Variants in GMFB observed in about 807,000 individuals in gnomAD.
The protein encoded by GMFB is GMF-beta.
Under a neutral mutation model 25.6 loss-of-function variants are expected in GMFB, and 13 were observed. That is an observed-to-expected ratio of 0.51 (90% CI 0.33 to 0.81). The LOEUF is 0.81. Ranked by LOEUF, GMFB falls within the 30% of genes least tolerant of loss-of-function variation. GMFB has a pLI of 0.02. For synonymous variants in GMFB, 57 were observed against 56.9 expected (o/e 1.00, Z 0.00); for missense variants, 146 against 175.4 (o/e 0.83, Z 0.95).
Position 54,483,702 on chromosome 14 carries a change from A to G in GMFB, c.69T>C (p.Phe23=). The G allele has an allele frequency of 6.2e-7, 1 of 1,606,820 alleles. No individual in the cohort carries two copies. Among genetic ancestry groups the G allele is most frequent in the Non-Finnish European group, 8.5e-7 (1 of 1,173,452 alleles). ...TAGCAGCGTTGTTCGTTTCTTTGCG[A>G]AAACGAAACTTTCTCAGCTTTTCCA... ...DLVEKLRKFR[F]RKETNNAAII... is the part of the protein sequence containing the mutation. The change falls in exon 2 of 7, where the codon TTT becomes TTC. Residue 23 remains phenylalanine, a synonymous_variant. Transcript: ENST00000358056.
At chr14:54,484,587 T>C (rs759708759) in intron 1 of GMFB, among the ~76,000 whole-genome samples, 12 of 152,126 alleles carry the variant, frequency 7.9e-5, no homozygotes, top group Non-Finnish European at 1.3e-4. Flanking sequence ...ATCTGAGGGC[T>C]TCACTGCTGA....
chr14:54,478,118 C>T lies in GMFB; in HGVS notation c.399G>A (p.Trp133Ter). 1 of 1,462,266 alleles carries T rather than the reference C, an allele frequency of 6.8e-7. No individual in the cohort carries two copies. Among genetic ancestry groups the T allele is most frequent in the Non-Finnish European group, 9.2e-7 (1 of 1,081,670 alleles). The allele number at this position is 1,462,266 out of a possible 1,614,324, so 90.6% of individuals were successfully genotyped here. The change falls in exon 7 of 7, where the codon TGG (tryptophan) becomes TGA (stop). Residue 133 changes from tryptophan (W) to a stop codon, truncating the protein, a stop_gained. Coordinates refer to ENST00000358056, the MANE Select transcript of GMFB (RefSeq NM_004124.3). LOFTEE classifies it high-confidence loss of function. ...IRNTEDLTEE[W>*]LREKLGFFH ...GAAAAAATCCAAGTTTCTCACGTAA[C>T]CATTCTTCAGTTAGGTCTTCGGTAT...
intron 1 of GMFB, among the ~76,000 whole-genome samples, chr14:54,485,508 G>T (rs962090838): frequency 6.6e-6 from 1 of 152,044 alleles, no homozygotes; most frequent in Non-Finnish European, 1.5e-5. Context: ...ACAGATGAAA[G>T]AAATTGAAGA....
At position 54,483,733 on chromosome 14, in the gene GMFB, T is replaced by A. The variant is rs759845887; in HGVS notation, c.38A>T (p.Asp13Val). 8.7e-6 allele frequency: 14 copies of A among 1,610,362 alleles called. No individual in the cohort carries two copies. Among genetic ancestry groups the A allele is most frequent in the Non-Finnish European group, 1.1e-5 (13 of 1,176,914 alleles). ...ESLVVCDVAE[D>V]LVEKLRKFRF... ...AAACTTTCTCAGCTTTTCCACTAAATCTTCGGCAACATCACAAACAACCAA... is the reference window on the plus strand; with the variant it reads ...AAACTTTCTCAGCTTTTCCACTAAAACTTCGGCAACATCACAAACAACCAA... Residue 13 changes from aspartate to valine, a missense_variant, in exon 2 of 7, where the codon GAT becomes GTT. Transcript: ENST00000358056.
intron 1 of GMFB, among the ~76,000 whole-genome samples, chr14:54,484,302 A>G (rs1394009826): frequency 3.3e-5 from 5 of 152,048 alleles, no homozygotes; most frequent in African/African-American, 1.2e-4. Context: ...TTAAATGATT[A>G]TAGAGATATA....
chr14:54,479,801 T>C lies in GMFB; in HGVS notation c.342A>G (p.Thr114=), dbSNP rs938351758. 2.5e-6 allele frequency: 4 copies of C among 1,595,382 alleles called. No individual in the cohort carries two copies. In the South Asian group the frequency reaches 4.4e-5, roughly 18 times the overall value. Reference sequence around the variant, plus strand: ...TAAATACCACCTTGGTTAGTTCAGCTGTCTGGACTAGCTTATTCTTACTTC... The same window carrying C: ...TAAATACCACCTTGGTTAGTTCAGCCGTCTGGACTAGCTTATTCTTACTTC... ...YAGSKNKLVQ[T]AELTKVFEIR... The change falls in exon 6 of 7, where the codon ACA becomes ACG. Residue 114 remains threonine (T), a synonymous_variant. Transcript: ENST00000358056.
chr14:54,488,957 C>T lies in GMFB; in HGVS notation c.-30G>A, dbSNP rs777397253. The T allele has an allele frequency of 1.3e-6, 2 of 1,558,394 alleles. No homozygotes were observed. Among genetic ancestry groups the T allele is most frequent in the South Asian group, 1.2e-5 (1 of 85,170 alleles). ...CTTCCGGCCGTCAGCGGCCTGTCGC[C>T]TACACTCGGGCGCCTTTAAGAATGG... is the stretch of plus-strand genomic sequence containing the variant. On this transcript the variant is annotated 5_prime_UTR_variant, in exon 1 of 7. Coordinates refer to ENST00000358056, the MANE Select transcript of GMFB (RefSeq NM_004124.3).
intron 2 of GMFB, chr14:54,483,468 T>C (rs1334295760): frequency 1.8e-6 from 1 of 546,272 alleles, no homozygotes; most frequent in African/African-American, 1.9e-5. Flanking sequence ...AAAAGGACTA[T>C]GGGGGAGGTG....
intron 1 of GMFB, among the ~76,000 whole-genome samples, chr14:54,487,534 A>G (rs1378615417): frequency 1.3e-5 from 2 of 151,154 alleles, no homozygotes; most frequent in Non-Finnish European, 2.9e-5. Context: ...GCGAGACTCC[A>G]TCTCAAAACA....
chr14:54,488,432 G>C (rs1367393213), intron 1 of GMFB, among the ~76,000 whole-genome samples: 2 of 152,254 alleles, frequency 1.3e-5, no homozygotes, highest in Non-Finnish European at 2.9e-5. Context: ...CAGAGAGAAA[G>C]AAGCTAAGGT....
chr14:54,477,914 T>C lies in GMFB; in HGVS notation c.*174A>G. Reference sequence around the variant, plus strand: ...AAGGAAACACTTTACAAAGTTTCATTACTATGAAGATGATTTCCTCTTTGT... The same window carrying C: ...AAGGAAACACTTTACAAAGTTTCATCACTATGAAGATGATTTCCTCTTTGT... On this transcript the variant is annotated 3_prime_UTR_variant, in exon 7 of 7. Transcript: ENST00000358056. The C allele has an allele frequency of 2.2e-6, 1 of 457,452 alleles. No homozygotes were observed. The highest frequency in any genetic ancestry group is 3.6e-5 in the East Asian group (1 of 27,736). The allele number at this position is 457,452 out of a possible 1,614,324, so 28.3% of individuals were successfully genotyped here.
chr14:54,485,274 G>A (rs2031766482), intron 1 of GMFB, among the ~76,000 whole-genome samples: 1 of 151,238 alleles, frequency 6.6e-6, no homozygotes, highest in East Asian at 1.9e-4. Context: ...TTTAGAAAAA[G>A]CTAAAGACTC....
chr14:54,488,140 G>C (rs1429653900), intron 1 of GMFB, among the ~76,000 whole-genome samples: 3 of 152,222 alleles, frequency 2.0e-5, no homozygotes, highest in African/African-American at 4.8e-5. Context: ...GTCACAGAGA[G>C]CAGTGTTTTG....
intron 3 of GMFB, among the ~76,000 whole-genome samples, chr14:54,481,780 T>A (rs1184962964): frequency 6.6e-6 from 1 of 152,084 alleles, no homozygotes; most frequent in African/African-American, 2.4e-5. Flanking sequence ...ATGTCTGATT[T>A]CAGAAAAAAG....
At chr14:54,486,590 G>A (rs1326658023) in intron 1 of GMFB, among the ~76,000 whole-genome samples, 1 of 152,036 alleles carries the variant, frequency 6.6e-6, no homozygotes, top group African/African-American at 2.4e-5. Flanking sequence ...GAATATACAA[G>A]GATCTCAAAC....
In GMFB at chr14:54,475,539, T is replaced by A. The variant is rs1489346094; in HGVS notation, c.*2549A>T. 6.6e-6 allele frequency: 1 copy of A among 152,548 alleles called. No homozygotes were observed. The highest frequency in any genetic ancestry group is 1.5e-5 in the Non-Finnish European group (1 of 67,970). The allele number at this position is 152,548 out of a possible 1,614,324, so 9.4% of individuals were successfully genotyped here. ...AATTAAACAAAAACAGTCAACCAAC[T>A]TTTTTCCTAATATAATTGCGTCAAT... On this transcript the variant is annotated 3_prime_UTR_variant, in exon 7 of 7. Coordinates refer to ENST00000358056, the MANE Select transcript of GMFB (RefSeq NM_004124.3).
At chr14:54,479,235 T>A (rs2031679126) in intron 6 of GMFB, 1 of 152,154 alleles carries the variant, frequency 6.6e-6, no homozygotes, top group South Asian at 2.1e-4. Context: ...TATGTGGAAG[T>A]TAAATAAAGT....
chr14:54,482,171 T>A lies in GMFB; in HGVS notation c.132A>T (p.Val44=). Residue 44 remains valine (V), a synonymous_variant, in exon 3 of 7, where the codon GTA becomes GTT. Transcript: ENST00000358056. The part of the protein sequence containing the change: ...MKIDKDKRLV[V]LDEELEGISP... ...AACAAACCTCAAGCTCCTCATCCAG[T>A]ACCACCAGGCGTTTATCCTTGTCAA... 6.2e-7 allele frequency: 1 copy of A among 1,601,688 alleles called. No homozygotes were observed. Among genetic ancestry groups the A allele is most frequent in the Non-Finnish European group, 8.6e-7 (1 of 1,168,910 alleles).
rs1258708896 is a variant in GMFB at position 54,474,776 on chromosome 14, T to C, written c.*3312A>G. ...ATTCAAGTAATTATATTTATATGAA[T>C]TATAATCCAAAAAGCAATAAAATAC... On this transcript the variant is annotated 3_prime_UTR_variant, in exon 7 of 7. Transcript: ENST00000358056. The C allele has an allele frequency of 2.6e-5, 4 of 152,632 alleles. No homozygotes were observed. Among genetic ancestry groups the C allele is most frequent in the African/African-American group, 9.6e-5 (4 of 41,454 alleles). 9.5% of individuals were successfully genotyped at this position (152,632 alleles called of 1,614,324 possible).
Sources: allele counts gnomAD v4.1 joint callset (sites outside exome capture counted in the v4.1 genomes callset), GRCh38; gene constraint gnomAD v4.1.1; transcripts MANE v1.5; gene names NCBI Gene and HGNC (gene_info 2026-07-23, HGNC 2026-07-21).